UPF3B: variants seen among roughly 807,000 people sequenced by gnomAD.
The protein encoded by UPF3B is UPF3B regulator of nonsense mediated mRNA decay.
In UPF3B, 7 loss-of-function variants were observed where a neutral mutation model predicts 40.3. The ratio of observed to expected loss-of-function variants is 0.17; its 90% CI spans 0.10 to 0.33. The LOEUF is 0.33. Ranked by LOEUF, UPF3B falls within the 10% of genes least tolerant of loss-of-function variation. The pLI is 1.00. For synonymous variants in UPF3B, 117 were observed against 117.3 expected (o/e 1.00, Z 0.01); for missense variants, 229 against 358.9 (o/e 0.64, Z 2.93).
At chrX:119,831,438 C>A (rs1258468363), downstream of UPF3B, among the ~76,000 whole-genome samples, 3 of 110,688 alleles carry the variant, frequency 2.7e-5, no homozygotes, top group Admixed American at 9.7e-5. Flanking sequence ...TCTGCTGCAG[C>A]CTCCCAAGTA....
chrX:119,820,835 C>T (rs941869633), intron 4 of UPF3B, among the ~76,000 whole-genome samples: 7 of 111,299 alleles, frequency 6.3e-5, no homozygotes, highest in Non-Finnish European at 1.3e-4. Context: ...CAGCACTTTT[C>T]GAGGCTACAG....
chrX:119,822,928 C>T, intron 4 of UPF3B: 1 of 913,780 alleles, frequency 1.1e-6, no homozygotes, highest in Non-Finnish European at 1.4e-6. Flanking sequence ...TTTTCTATGG[C>T]TAATACCACT....
In UPF3B at chrX:119,820,877, A is replaced by T. The variant is rs139459633; in HGVS notation, c.494+2065T>A. 9.8e-4 allele frequency among the ~76,000 whole-genome samples: 110 copies of T among 112,036 alleles called. 1 individual carries two copies. The highest frequency in any genetic ancestry group is 3.4e-3 in the African/African-American group (105 of 30,805). On this transcript the variant is annotated intron_variant, in intron 4 of 6. Transcript: ENST00000636792. ...GATTGTTTGAGCCCAGGCATCTGGC[A>T]AACAGATGCCATGTTAGGAAGGGCT...
intron 5 of UPF3B, among the ~76,000 whole-genome samples, chrX:119,813,830 C>A (rs546889131): frequency 9.0e-6 from 1 of 110,784 alleles, no homozygotes; most frequent in Middle Eastern, 4.6e-3. Flanking sequence ...TCACAAAGTG[C>A]TGGGATTACA....
chrX:119,843,036 T>C (rs1339900724), intron 5 of UPF3B, among the ~76,000 whole-genome samples, 155 bp downstream of exon 5: 1 of 112,042 alleles, frequency 8.9e-6, no homozygotes, highest in Non-Finnish European at 1.9e-5. Context: ...ATTCTCATAA[T>C]GCTGTGAGGC....
intron 6 of UPF3B, among the ~76,000 whole-genome samples, chrX:119,806,254 A>G (rs1202282821): frequency 2.1e-5 from 2 of 94,906 alleles, no homozygotes; most frequent in African/African-American, 7.7e-5. Context: ...AACACCGCAT[A>G]TTCTCACTCA....
intron 3 of UPF3B, among the ~76,000 whole-genome samples, chrX:119,827,314 TGCGA>T (rs1322154597): frequency 9.0e-6 from 1 of 111,655 alleles, no homozygotes; most frequent in East Asian, 2.8e-4. Context: ...ATCTAGGTGC[TGCGA>T]GCAAGAGACA....
At chrX:119,838,552 T>C in intron 8 of UPF3B, 25 bp from the exon 9 acceptor site, 1 of 1,198,407 alleles carries the variant, frequency 8.3e-7, no homozygotes, top group Non-Finnish European at 1.1e-6. Flanking sequence ...TGTTTATTTT[T>C]ATTTTGAAGG....
chrX:119,818,183 T>G (rs1322050861), intron 4 of UPF3B, among the ~76,000 whole-genome samples: 1 of 111,175 alleles, frequency 9.0e-6, no homozygotes. Context: ...GAGAATCGCT[T>G]GAACCCAGGA....
downstream of UPF3B, among the ~76,000 whole-genome samples, chrX:119,831,957 T>C (rs937609184): frequency 1.8e-5 from 2 of 110,851 alleles, no homozygotes; most frequent in Non-Finnish European, 3.8e-5. Flanking sequence ...GTAATTATTA[T>C]TTTATAAGCC....
chrX:119,838,146 T>G (rs1280504671), intron 9 of UPF3B, 95 bp from the exon 10 acceptor site: 1 of 1,106,537 alleles, frequency 9.0e-7, no homozygotes, highest in African/African-American at 1.8e-5. Context: ...TGCAATGAGG[T>G]TGCACTTTTA....
At chrX:119,832,259 C>T (rs1030558837), downstream of UPF3B, among the ~76,000 whole-genome samples, 1 of 111,572 alleles carries the variant, frequency 9.0e-6, no homozygotes, top group African/African-American at 3.3e-5. Context: ...ACACCTGGCC[C>T]ATTTCATTCC....
At chrX:119,835,577 C>T (rs924181184) in intron 10 of UPF3B, among the ~76,000 whole-genome samples, 2 of 111,883 alleles carry the variant, frequency 1.8e-5, no homozygotes, top group Admixed American at 9.5e-5. Context: ...CAGAGGAACA[C>T]GTTAAATAAC....
intron 4 of UPF3B, among the ~76,000 whole-genome samples, chrX:119,820,473 G>A (rs1207732399): frequency 7.0e-5 from 7 of 99,854 alleles, no homozygotes; most frequent in African/African-American, 1.9e-4. Context: ...TGGTGGTGAG[G>A]GGGGCAGATG....
chrX:119,836,953 T>A (rs1286306525), intron 10 of UPF3B, among the ~76,000 whole-genome samples: 4 of 101,156 alleles, frequency 4.0e-5, no homozygotes, highest in African/African-American at 1.5e-4. Context: ...CCCGGCCAGT[T>A]TTTTTTTTGA....
intron 10 of UPF3B, 32 bp from the exon 11 acceptor site, chrX:119,835,059 A>T (rs752042169): frequency 3.3e-6 from 4 of 1,199,216 alleles, no homozygotes; most frequent in Non-Finnish European, 4.5e-6. Context: ...TACCATTACA[A>T]CAATGCTACT....
chrX:119,805,810 A>G (rs868241730), intron 6 of UPF3B, among the ~76,000 whole-genome samples: 25 of 96,035 alleles, frequency 2.6e-4, no homozygotes, highest in Middle Eastern at 5.0e-3. Context: ...TTAGAATGGC[A>G]ATCATTAAAA....
intron 3 of UPF3B, among the ~76,000 whole-genome samples, chrX:119,847,931 T>C (rs1020701386): frequency 2.7e-5 from 3 of 110,801 alleles, no homozygotes; most frequent in Non-Finnish European, 3.8e-5. Context: ...CGAATACCCC[T>C]TGACAGATGA....
intron 4 of UPF3B, among the ~76,000 whole-genome samples, chrX:119,820,791 T>A (rs1182960256): frequency 9.0e-6 from 1 of 111,419 alleles, no homozygotes; most frequent in East Asian, 2.8e-4. Flanking sequence ...AAAATCCATA[T>A]AAAGCTGGAC....
Sources: allele counts gnomAD v4.1 joint callset (sites outside exome capture counted in the v4.1 genomes callset), GRCh38; gene constraint gnomAD v4.1.1; transcripts MANE v1.5; gene names NCBI Gene and HGNC (gene_info 2026-07-23, HGNC 2026-07-21).